Variants in RBMS3 observed in about 807,000 individuals in gnomAD.
RBMS3 encodes RNA binding motif single stranded interacting protein 3, also known as RNA-binding motif, single-stranded-interacting protein 3.
RBMS3 carries 27 observed loss-of-function variants against 66.8 expected under a neutral mutation model. That is an observed-to-expected ratio of 0.40 (90% confidence interval 0.30 to 0.56). The LOEUF (loss-of-function observed/expected upper bound fraction) is 0.56. RBMS3 is among the 20% of genes least tolerant of loss of function. The probability of loss-of-function intolerance (pLI) is 0.40; values close to 1 mark genes in which losing one functional copy is unlikely to be tolerated. For synonymous variants in RBMS3, 188 were observed against 183.0 expected, an observed-to-expected ratio of 1.03 and a Z score of -0.22; for missense variants, 513 against 549.5, an observed-to-expected ratio of 0.93 and a Z score of 0.66.
chr3:29,969,812 G>A (rs1373681791), intron 12 of RBMS3, among the ~76,000 whole-genome samples: 1 of 152,158 alleles, frequency 6.6e-6, no homozygotes, highest in Non-Finnish European at 1.5e-5. Context: ...AATGAATGCT[G>A]AGTTGTAAGA....
chr3:29,397,921 C>T (rs563762345), intron 1 of RBMS3, among the ~76,000 whole-genome samples: 1 of 152,216 alleles, frequency 6.6e-6, no homozygotes, highest in African/African-American at 2.4e-5. Context: ...GATCTCCCAT[C>T]AGTGACAGAA....
At chr3:29,872,105 C>T (rs1400083916) in intron 7 of RBMS3, among the ~76,000 whole-genome samples, 1 of 152,074 alleles carries the variant, frequency 6.6e-6, no homozygotes, top group Non-Finnish European at 1.5e-5. Flanking sequence ...CTATTAGGCT[C>T]TTCTTCCTTG....
chr3:29,828,249 C>T (rs2058261629), intron 6 of RBMS3, among the ~76,000 whole-genome samples: 2 of 152,122 alleles, frequency 1.3e-5, no homozygotes, highest in South Asian at 4.1e-4. Context: ...CCGTAGACTC[C>T]TCTCTCCGTC....
At chr3:29,478,448 A>G (rs1328385670) in intron 2 of RBMS3, among the ~76,000 whole-genome samples, 1 of 152,052 alleles carries the variant, frequency 6.6e-6, no homozygotes, top group African/African-American at 2.4e-5. Flanking sequence ...GGGACTAATC[A>G]CATTCTTGAG....
At chr3:29,922,549 T>G (rs1489804966) in intron 10 of RBMS3, among the ~76,000 whole-genome samples, 2 of 150,680 alleles carry the variant, frequency 1.3e-5, no homozygotes, top group African/African-American at 4.9e-5. Context: ...CGTGAATGGA[T>G]GAATTAATGA....
At chr3:29,378,848 AAT>A (rs60392515) in intron 1 of RBMS3, among the ~76,000 whole-genome samples, 33,741 of 152,056 alleles carry the variant, frequency 0.22, 4,281 homozygotes, top group East Asian at 0.46. Flanking sequence ...AAAACAAAAA[AAT>A]ATATAAAACC....
chr3:29,654,521 CGTGTGTGTGTGTGTGTGTGTGTGTGT>C (rs56163408), intron 4 of RBMS3, among the ~76,000 whole-genome samples: 5 of 118,988 alleles, frequency 4.2e-5, no homozygotes, highest in Middle Eastern at 4.5e-3. Flanking sequence ...GAATTGGATT[CGTGTGTGTGTGTGTGTGTGTGTGTGT>C]GTGTGTGTGT....
At chr3:29,943,923 C>A (rs181121949) in intron 11 of RBMS3, among the ~76,000 whole-genome samples, 1 of 151,602 alleles carries the variant, frequency 6.6e-6, no homozygotes, top group Admixed American at 6.6e-5. Context: ...TATATTGATT[C>A]CCTAAGGGAG....
At chr3:29,950,426 C>T (rs1259441802) in intron 12 of RBMS3, among the ~76,000 whole-genome samples, 2 of 151,840 alleles carry the variant, frequency 1.3e-5, no homozygotes, top group Non-Finnish European at 2.9e-5. Flanking sequence ...TTAAAGTAAG[C>T]TAATTGCGTG....
chr3:29,826,666 T>C (rs2058220053), intron 6 of RBMS3, among the ~76,000 whole-genome samples: 1 of 152,172 alleles, frequency 6.6e-6, no homozygotes, highest in African/African-American at 2.4e-5. Context: ...GGAGATAATC[T>C]AATTACTTAA....
intron 8 of RBMS3, 95 bp from the exon 9 acceptor site, chr3:29,897,284 G>A: frequency 9.1e-7 from 1 of 1,104,172 alleles, no homozygotes. Flanking sequence ...CGTGCGGGTG[G>A]AAATATGTCT....
intron 1 of RBMS3, among the ~76,000 whole-genome samples, chr3:29,352,439 T>A (rs2036971869): frequency 6.6e-6 from 1 of 152,096 alleles, no homozygotes; most frequent in South Asian, 2.1e-4. Flanking sequence ...GTTAGATTTA[T>A]ACCCAGTATT....
Position 29,304,267 on chromosome 3 carries a change from G to A in RBMS3, c.75+22511G>A, listed in dbSNP as rs115913225. 2.1e-3 allele frequency among the ~76,000 whole-genome samples: 315 copies of A among 152,098 alleles called. 2 individuals are homozygous for A. Among genetic ancestry groups the A allele is most frequent in the Admixed American group, 3.7e-3 (57 of 15,272 alleles). The stretch of plus-strand genomic sequence containing the variant: ...ATTAGTTACAAGGACTAGGGATAAC[G>A]TATGCAACTTGCCCAGTGGATGGTA... On this transcript the variant is annotated intron_variant, in intron 1 of 14. Coordinates refer to ENST00000383767, the MANE Select transcript of RBMS3 (RefSeq NM_001003793.3).
intron 6 of RBMS3, among the ~76,000 whole-genome samples, chr3:29,812,167 G>T (rs1205447302): frequency 6.6e-6 from 1 of 152,088 alleles, no homozygotes; most frequent in African/African-American, 2.4e-5. Flanking sequence ...CTAACATGTG[G>T]AATTACAGTG....
intron 1 of RBMS3, among the ~76,000 whole-genome samples, chr3:29,286,189 G>A (rs2032315051): frequency 6.6e-6 from 1 of 152,098 alleles, no homozygotes; most frequent in South Asian, 2.1e-4. Context: ...ATGATAGCAT[G>A]AAACTATGAT....
Position 29,988,070 on chromosome 3 carries a change from C to T in RBMS3, c.1099-73C>T, listed in dbSNP as rs1577327572. ...ATGGGCCCCATAGCTAAAGCAGTCT[C>T]CTGTGGTATTTAATAATTTTCTCAC... On this transcript the variant is annotated intron_variant, in intron 12 of 14. Coordinates refer to ENST00000383767, the MANE Select transcript of RBMS3 (RefSeq NM_001003793.3). 3.2e-6 allele frequency: 4 copies of T among 1,234,102 alleles called. No homozygotes were observed. The East Asian group carries it at 7.0e-5, about 22-fold the overall frequency. 76.4% of individuals were successfully genotyped at this position (1,234,102 alleles called of 1,614,324 possible). A position where few individuals can be genotyped will look rare whatever the true frequency, so the allele number is the denominator to read the frequency against.
intron 1 of RBMS3, among the ~76,000 whole-genome samples, chr3:29,318,931 A>G (rs2034850623): frequency 6.6e-6 from 1 of 152,002 alleles, no homozygotes; most frequent in Non-Finnish European, 1.5e-5. Context: ...AACAATATTT[A>G]TACTGAATTT....
intron 3 of RBMS3, among the ~76,000 whole-genome samples, chr3:29,539,934 G>C (rs939010138): frequency 6.6e-6 from 1 of 152,046 alleles, no homozygotes; most frequent in Non-Finnish European, 1.5e-5. Flanking sequence ...TTTCTTGGTA[G>C]GTTTGCTCAA....
At chr3:29,499,954 A>G (rs2043902402) in intron 3 of RBMS3, among the ~76,000 whole-genome samples, 2 of 152,160 alleles carry the variant, frequency 1.3e-5, no homozygotes, top group Admixed American at 6.6e-5. Flanking sequence ...GAATGAAATC[A>G]TGTGGTGAAA....
Sources: gnomAD v4.1 joint callset for allele counts (sites outside exome capture counted in the v4.1 genomes callset) on GRCh38, gnomAD v4.1.1 for gene constraint, MANE v1.5 for transcripts, NCBI Gene and HGNC (gene_info 2026-07-23, HGNC 2026-07-21) for gene names.